The following PDPK1 variants were observed in gnomAD, a reference collection of about 807,000 sequenced individuals.
PDPK1 encodes 3-phosphoinositide-dependent protein kinase 1.
A neutral mutation model predicts 39.8 loss-of-function variants in PDPK1; 7 were observed. The ratio of observed to expected loss-of-function variants is 0.18; its 90% CI spans 0.10 to 0.33. The LOEUF is 0.33. PDPK1 is among the 10% of genes least tolerant of loss of function. PDPK1 has a pLI of 1.00. For synonymous variants in PDPK1, 118 were observed against 159.1 expected, an observed-to-expected ratio of 0.74 and a Z score of 1.95; for missense variants, 182 against 384.7, an observed-to-expected ratio of 0.47 and a Z score of 4.41.
At chr16:2,544,483 G>C (rs2141939520) in intron 1 of PDPK1, among the ~76,000 whole-genome samples, 1 of 152,338 alleles carries the variant, frequency 6.6e-6, no homozygotes, top group African/African-American at 2.4e-5. Flanking sequence ...CCGAAGAATA[G>C]TTGAAAGCAT....
Position 2,597,690 on chromosome 16 carries a change from G to T in PDPK1, c.1594G>T (p.Ala532Ser). 1 of 1,613,806 alleles carries T rather than the reference G, an allele frequency of 6.2e-7. No individual in the cohort carries two copies. Among genetic ancestry groups the T allele is most frequent in the Non-Finnish European group, 8.5e-7 (1 of 1,179,872 alleles). Residue 532 changes from alanine to serine, a missense_variant, in exon 14 of 14, where the codon GCA becomes TCA. Physicochemically the swap from Ala to Ser is moderately conservative, Grantham distance 99. Transcript: ENST00000342085. This position sits in a 1 kb window ranked among gnomAD's most constrained non-coding sequence, Gnocchi z 6.3. ...TYYLMDPSGN[A>S]HKWCRKIQEV... Reference sequence around the variant, plus strand: ...TTATCTGATGGACCCCAGCGGGAACGCACACAAGTGGTGCAGGAAGATCCA... The same window carrying T: ...TTATCTGATGGACCCCAGCGGGAACTCACACAAGTGGTGCAGGAAGATCCA...
intron 1 of PDPK1, among the ~76,000 whole-genome samples, chr16:2,540,775 T>C (rs1374944400): frequency 6.6e-6 from 1 of 152,218 alleles, no homozygotes; most frequent in African/African-American, 2.4e-5. Context: ...GCCGATACTC[T>C]GAATGGGTGA....
rs1409824248 is a variant in PDPK1 at position 2,600,991 on chromosome 16, G to T, written c.*3224G>T. 4.3e-6 allele frequency: 1 copy of T among 230,736 alleles called. No homozygotes were observed. Among genetic ancestry groups the T allele is most frequent in the African/African-American group, 2.3e-5 (1 of 43,984 alleles). 14.3% of individuals were successfully genotyped at this position (230,736 alleles called of 1,614,324 possible). On this transcript the variant is annotated 3_prime_UTR_variant, in exon 14 of 14. Transcript: ENST00000342085. The stretch of plus-strand genomic sequence containing the variant: ...TTAACAATTGTACTATTTAGTCATT[G>T]TCCATTTACTATAATTTATCTGACC...
chr16:2,594,917 C>T (rs2067069271), intron 11 of PDPK1, among the ~76,000 whole-genome samples: 1 of 151,912 alleles, frequency 6.6e-6, no homozygotes, highest in Non-Finnish European at 1.5e-5. Context: ...GTCAGGAGAT[C>T]GAGACCATCC....
intron 11 of PDPK1, chr16:2,592,705 A>G: frequency 4.7e-6 from 2 of 427,548 alleles, no homozygotes; most frequent in Admixed American, 2.8e-5. Flanking sequence ...TGATTCCTGG[A>G]AGTGCTCACA....
At position 2,602,726 on chromosome 16, in the gene PDPK1, C is replaced by A. The variant is rs867544241; in HGVS notation, c.*4959C>A. On this transcript the variant is annotated 3_prime_UTR_variant, in exon 14 of 14. Transcript: ENST00000342085. ...TCAGGTGGGTGGCAAGCAGAACATG[C>A]GTAATATTCTCTACCTGGTCTGTAG... The A allele has an allele frequency of 4.3e-6, 1 of 234,364 alleles. No individual in the cohort carries two copies. The highest frequency in any genetic ancestry group is 2.2e-5 in the African/African-American group (1 of 45,292). 14.5% of individuals were successfully genotyped at this position (234,364 alleles called of 1,614,324 possible). A position where few individuals can be genotyped will look rare whatever the true frequency, so the allele number is the denominator to read the frequency against.
Position 2,597,052 on chromosome 16 carries a change from A to T in PDPK1, c.1402-71A>T. ...CCTGAGCAGCTCCGAGGGGCCGCCC[A>T]GCCCTCTAGGCTCCAGGAGATGCCG... On this transcript the variant is annotated intron_variant, in intron 12 of 13. Coordinates refer to ENST00000342085, the MANE Select transcript of PDPK1 (RefSeq NM_002613.5). The surrounding 1 kb of genome is among the most constrained non-coding windows in gnomAD (Gnocchi z 6.3). 7.6e-7 allele frequency: 1 copy of T among 1,316,444 alleles called. No individual in the cohort carries two copies. Among genetic ancestry groups the T allele is most frequent in the South Asian group, 1.6e-5 (1 of 61,250 alleles). 81.5% of individuals were successfully genotyped at this position (1,316,444 alleles called of 1,614,324 possible).
chr16:2,590,957 T>C (rs78835484), intron 11 of PDPK1, among the ~76,000 whole-genome samples: 1 of 146,582 alleles, frequency 6.8e-6, no homozygotes. Context: ...CCAAAAGTCT[T>C]TTTTTTTTTT....
intron 4 of PDPK1, chr16:2,562,650 G>A (rs1384740426): frequency 2.0e-5 from 3 of 150,352 alleles, no homozygotes; most frequent in South Asian, 2.1e-4. Flanking sequence ...TTCGATTTTG[G>A]TGGAGGAGCT....
At chr16:2,589,601 A>AT (rs1284997614) in intron 11 of PDPK1, among the ~76,000 whole-genome samples, 3 of 150,760 alleles carry the variant, frequency 2.0e-5, no homozygotes, top group Non-Finnish European at 4.4e-5. Flanking sequence ...AGGTAGGAGG[A>AT]TTACCTGAGC....
intron 1 of PDPK1, among the ~76,000 whole-genome samples, chr16:2,546,175 C>G (rs983926511): frequency 2.0e-5 from 3 of 151,764 alleles, no homozygotes; most frequent in African/African-American, 7.3e-5. Context: ...CCTCTGCCAC[C>G]CGGGTTCAAG....
At position 2,595,847 on chromosome 16, in the gene PDPK1, G is replaced by A; in HGVS notation, c.1398G>A (p.Arg466=). 1 of 1,612,834 alleles carries A rather than the reference G, an allele frequency of 6.2e-7. No homozygotes were observed. The highest frequency in any genetic ancestry group is 8.5e-7 in the Non-Finnish European group (1 of 1,178,766). The change falls in exon 12 of 14, where the codon CGG becomes CGA. Residue 466 remains arginine, a synonymous_variant. Transcript: ENST00000342085. ...TAAAGATGGGCCCAGTGGATAAGCG[G>A]AAGGTGAGTGGTCAGTGGTCCCGCT... ...LILKMGPVDK[R]KGLFARRRQL...
chr16:2,561,378 G>GT lies in PDPK1; in HGVS notation c.286-101dup, dbSNP rs1423910874. 10 of 328,780 alleles carry GT rather than the reference G, an allele frequency of 3.0e-5. No individual in the cohort carries two copies. In the East Asian group the frequency reaches 3.6e-4, roughly 12 times the overall value. 20.4% of individuals were successfully genotyped at this position (328,780 alleles called of 1,614,324 possible). The stretch of plus-strand genomic sequence containing the variant: ...ATTTCACTGTAGACTCAAGCCTTCA[G>GT]TGGGGACAGGAAGCGTGCGTGTGGG... On this transcript the variant is annotated intron_variant, in intron 2 of 13. Coordinates refer to ENST00000342085, the MANE Select transcript of PDPK1 (RefSeq NM_002613.5).
Position 2,597,330 on chromosome 16 carries a change from A to T in PDPK1, c.1554+55A>T. ...CAGGGTAATGGGAGGGCTTTGCACC[A>T]CGTGGGAAGCAGCCACAGGCCTTGG... On this transcript the variant is annotated intron_variant, in intron 13 of 13. Transcript: ENST00000342085. The surrounding 1 kb of genome is among the most constrained non-coding windows in gnomAD (Gnocchi z 6.3). 6.9e-7 allele frequency: 1 copy of T among 1,456,948 alleles called. No individual in the cohort carries two copies. Among genetic ancestry groups the T allele is most frequent in the Non-Finnish European group, 9.4e-7 (1 of 1,067,208 alleles). 90.3% of individuals were successfully genotyped at this position (1,456,948 alleles called of 1,614,324 possible).
chr16:2,552,442 G>T (rs1254223213), intron 1 of PDPK1, among the ~76,000 whole-genome samples: 4 of 151,758 alleles, frequency 2.6e-5, no homozygotes, highest in Non-Finnish European at 4.4e-5. Flanking sequence ...AAAACTCAGG[G>T]TTTGTTTTCC....
intron 12 of PDPK1, among the ~76,000 whole-genome samples, chr16:2,596,331 A>G (rs1361479924): frequency 6.6e-6 from 1 of 152,138 alleles, no homozygotes; most frequent in African/African-American, 2.4e-5. Context: ...AGCTGGGACC[A>G]CAGGCGCCCG....
intron 1 of PDPK1, chr16:2,539,555 C>T (rs1417633225): frequency 6.6e-6 from 1 of 152,130 alleles, no homozygotes; most frequent in East Asian, 1.9e-4. Flanking sequence ...GCAGCTCACT[C>T]GTGGACTTTG....
At chr16:2,585,010 T>G (rs1023150465) in intron 10 of PDPK1, among the ~76,000 whole-genome samples, 2 of 152,216 alleles carry the variant, frequency 1.3e-5, no homozygotes, top group Non-Finnish European at 2.9e-5. Context: ...TGCTCGCGAC[T>G]GGCTGGTGGC....
In PDPK1 at chr16:2,593,212, A is replaced by C. The variant is rs1597072748; in HGVS notation, c.1344-2581A>C. On this transcript the variant is annotated intron_variant, in intron 11 of 13. Coordinates refer to ENST00000342085, the MANE Select transcript of PDPK1 (RefSeq NM_002613.5). The surrounding 1 kb of genome is among the most constrained non-coding windows in gnomAD (Gnocchi z 4.2). ...CAGCTCAATGTCTTCATTTAGGGCC[A>C]TTGAGAGTTTCTTGTGTCACTGAAT... 5.1e-6 allele frequency: 2 copies of C among 388,710 alleles called. No individual in the cohort carries two copies. The highest frequency in any genetic ancestry group is 5.0e-6 in the Non-Finnish European group (1 of 198,646). 24.1% of individuals were successfully genotyped at this position (388,710 alleles called of 1,614,324 possible).
Sources: allele counts gnomAD v4.1 joint callset (sites outside exome capture counted in the v4.1 genomes callset), GRCh38; gene constraint gnomAD v4.1.1; non-coding constraint Gnocchi (gnomAD v3.1); transcripts MANE v1.5; gene names NCBI Gene and HGNC (gene_info 2026-07-23, HGNC 2026-07-21).